The following CLMN variants were observed in gnomAD, a reference collection of about 807,000 sequenced individuals.
CLMN encodes calmin.
In CLMN, 57 loss-of-function variants were observed where a neutral mutation model predicts 92.7. The ratio of observed to expected loss-of-function variants is 0.61; its 90% CI spans 0.50 to 0.77. The LOEUF is 0.77. Ranked by LOEUF, CLMN falls within the 30% of genes least tolerant of loss-of-function variation. The pLI is 0.00. For synonymous variants in CLMN, 466 were observed against 470.6 expected (o/e 0.99, Z 0.13); for missense variants, 1,158 against 1,237.5 (o/e 0.94, Z 0.96).
chr14:95,196,422 C>T (rs1896713523), intron 10 of CLMN, 76 bp downstream of exon 10: 1 of 1,407,230 alleles, frequency 7.1e-7, no homozygotes, highest in African/African-American at 1.4e-5. Flanking sequence ...CCTCCCACCC[C>T]ATCAAATCAG....
chr14:95,232,995 G>A (rs1233062204), intron 1 of CLMN, among the ~76,000 whole-genome samples: 2 of 152,190 alleles, frequency 1.3e-5, no homozygotes, highest in African/African-American at 2.4e-5. Context: ...GAACTGCTGG[G>A]TCTTAGTGGT....
intron 1 of CLMN, among the ~76,000 whole-genome samples, chr14:95,234,674 C>T (rs898833113): frequency 4.6e-5 from 7 of 152,170 alleles, no homozygotes. Flanking sequence ...GCCTGGACTC[C>T]AGGGGCCGAG....
chr14:95,238,082 C>T (rs993503973), intron 1 of CLMN, among the ~76,000 whole-genome samples: 9 of 152,202 alleles, frequency 5.9e-5, no homozygotes, highest in South Asian at 2.1e-4. Flanking sequence ...GCCCCACTGA[C>T]GGTGTGTAGA....
intron 1 of CLMN, among the ~76,000 whole-genome samples, chr14:95,278,352 TC>T (rs1900012327): frequency 6.6e-6 from 1 of 152,214 alleles, no homozygotes. Flanking sequence ...TTTTTTCTCT[TC>T]TTGGATCTTA....
At position 95,211,668 on chromosome 14, in the gene CLMN, C is replaced by A. The variant is rs1033732440; in HGVS notation, c.609-789G>T. 9.6e-4 allele frequency among the ~76,000 whole-genome samples: 118 copies of A among 122,840 alleles called. No individual in the cohort carries two copies. The East Asian group carries it at 0.015, about 15-fold the overall frequency. The allele number at this position is 122,840 out of a possible 152,430, so 80.6% of individuals were successfully genotyped here. The stretch of plus-strand genomic sequence containing the variant: ...CGCTCTTAAAAAAAAAAAAAAAAAC[C>A]AAAAACAACCAAGTACCTTTTTATT... On this transcript the variant is annotated intron_variant, in intron 6 of 12. Transcript: ENST00000298912.
chr14:95,316,725 A>G (rs1385042052), intron 1 of CLMN, among the ~76,000 whole-genome samples: 1 of 152,212 alleles, frequency 6.6e-6, no homozygotes. Flanking sequence ...TAGCTCTATT[A>G]TTAAACTATT....
chr14:95,196,645 T>C lies in CLMN; in HGVS notation c.2561A>G (p.Asn854Ser). 6.2e-7 allele frequency: 1 copy of C among 1,614,090 alleles called. No individual in the cohort carries two copies. Among genetic ancestry groups the C allele is most frequent in the Non-Finnish European group, 8.5e-7 (1 of 1,180,014 alleles). Residue 854 changes from asparagine (N) to serine (S), a missense_variant, in exon 10 of 13, where the codon AAT becomes AGT. Coordinates refer to ENST00000298912, the MANE Select transcript of CLMN (RefSeq NM_024734.4). ...ACTACTGATTGATTCTTTCGTTACA[T>C]TTTCTTCTAGGGGGTTTGCTATGTT... Reference protein sequence around the residue: ...LENIANPLEENVTKESISSKK... With the variant: ...LENIANPLEESVTKESISSKK...
At chr14:95,277,785 A>T (rs1050289618) in intron 1 of CLMN, among the ~76,000 whole-genome samples, 10 of 152,058 alleles carry the variant, frequency 6.6e-5, no homozygotes, top group Non-Finnish European at 1.0e-4. Flanking sequence ...CCACCACCAC[A>T]CCTGGCTAAT....
Position 95,190,924 on chromosome 14 carries a change from CAG to C in CLMN, c.*638_*639del, listed in dbSNP as rs914945770. On this transcript the variant is annotated 3_prime_UTR_variant, in exon 13 of 13. Coordinates refer to ENST00000298912, the MANE Select transcript of CLMN (RefSeq NM_024734.4). ...CAAAACAAAAAAACAACAAAAAAAACAGGGTGAAAAAGAGCACACAGTGGCTC... is the reference window on the plus strand; with the variant it reads ...CAAAACAAAAAAACAACAAAAAAAACGGTGAAAAAGAGCACACAGTGGCTC... 8 of 152,260 alleles carry C rather than the reference CAG, an allele frequency of 5.3e-5. No homozygotes were observed. The highest frequency in any genetic ancestry group is 1.9e-4 in the African/African-American group (8 of 41,436). 9.4% of individuals were successfully genotyped at this position (152,260 alleles called of 1,614,324 possible).
At chr14:95,246,009 C>T (rs962933973) in intron 1 of CLMN, among the ~76,000 whole-genome samples, 10 of 152,270 alleles carry the variant, frequency 6.6e-5, no homozygotes, top group Non-Finnish European at 7.4e-5. Context: ...GATATTCCCT[C>T]GTATTAATCA....
At position 95,215,741 on chromosome 14, in the gene CLMN, G is replaced by A; in HGVS notation, c.325-8C>T. 6.2e-7 allele frequency: 1 copy of A among 1,611,612 alleles called. No individual in the cohort carries two copies. The highest frequency in any genetic ancestry group is 8.5e-7 in the Non-Finnish European group (1 of 1,177,802). ...AATGCTAACCAGTTTTACCTGGAGGGAAGCAATTTATGAACTTAAAGCGAG... is the reference window on the plus strand; with the variant it reads ...AATGCTAACCAGTTTTACCTGGAGGAAAGCAATTTATGAACTTAAAGCGAG... On this transcript the variant is annotated splice_polypyrimidine_tract_variant and splice_region_variant and intron_variant, in intron 4 of 12. Coordinates refer to ENST00000298912, the MANE Select transcript of CLMN (RefSeq NM_024734.4).
intron 1 of CLMN, among the ~76,000 whole-genome samples, chr14:95,309,036 G>A (rs146645317): frequency 2.1e-3 from 320 of 152,230 alleles, no homozygotes; most frequent in Non-Finnish European, 2.8e-3. Context: ...AAGATTGTGG[G>A]GCTAATCCCG....
chr14:95,309,965 AG>A (rs1698071878), intron 1 of CLMN, among the ~76,000 whole-genome samples: 1 of 152,248 alleles, frequency 6.6e-6, no homozygotes, highest in African/African-American at 2.4e-5. Flanking sequence ...GCTAAAACCA[AG>A]GTTACAGGCA....
At position 95,294,346 on chromosome 14, in the gene CLMN, T is replaced by C. The variant is rs1900721916; in HGVS notation, c.82+25365A>G. On this transcript the variant is annotated intron_variant, in intron 1 of 12. Transcript: ENST00000298912. The surrounding 1 kb of genome is among the most constrained non-coding windows in gnomAD (Gnocchi z 4.2). ...TCGCTGCAATGAAGCAGGAAAAAGC[T>C]GGGTTTCAGGACACAATCTCTTAGG... 1.3e-5 allele frequency among the ~76,000 whole-genome samples: 2 copies of C among 152,280 alleles called. No homozygotes were observed. Among genetic ancestry groups the C allele is most frequent in the East Asian group, 3.9e-4 (2 of 5,188 alleles).
intron 1 of CLMN, among the ~76,000 whole-genome samples, chr14:95,309,146 T>C (rs1217161487): frequency 6.6e-6 from 1 of 152,166 alleles, no homozygotes; most frequent in Non-Finnish European, 1.5e-5. Flanking sequence ...GACTTTTCTT[T>C]CATTCTTTGG....
intron 1 of CLMN, among the ~76,000 whole-genome samples, chr14:95,270,453 C>T (rs1899663901): frequency 6.6e-6 from 1 of 152,218 alleles, no homozygotes; most frequent in Non-Finnish European, 1.5e-5. Context: ...TCTCCACCTT[C>T]CCCTCAGCAG....
chr14:95,251,136 T>C lies in CLMN; in HGVS notation c.83-21003A>G, dbSNP rs146455704. Among the ~76,000 whole-genome samples the C allele has an allele frequency of 9.2e-5, 14 of 152,256 alleles. No individual in the cohort carries two copies. In the East Asian group the frequency reaches 2.3e-3, roughly 25 times the overall value. On this transcript the variant is annotated intron_variant, in intron 1 of 12. Coordinates refer to ENST00000298912, the MANE Select transcript of CLMN (RefSeq NM_024734.4). ...TTGGCGTCTGCACTCAATGATCTCATGTGTGTGTGTAATGGGGGGTGGGTG... is the reference window on the plus strand; with the variant it reads ...TTGGCGTCTGCACTCAATGATCTCACGTGTGTGTGTAATGGGGGGTGGGTG...
intron 1 of CLMN, among the ~76,000 whole-genome samples, chr14:95,272,218 G>A (rs1205014529): frequency 6.6e-6 from 1 of 152,186 alleles, no homozygotes; most frequent in East Asian, 1.9e-4. Flanking sequence ...AGCAGGCTCT[G>A]GAGAAAGGCA....
In CLMN at chr14:95,203,841, G is replaced by T. The variant is rs766903493; in HGVS notation, c.1508C>A (p.Ser503Tyr). 25 of 1,614,180 alleles carry T rather than the reference G, an allele frequency of 1.5e-5. No homozygotes were observed. The highest frequency in any genetic ancestry group is 1.8e-5 in the Non-Finnish European group (21 of 1,180,030). The change falls in exon 9 of 13, where the codon TCT (serine) becomes TAT (tyrosine). Residue 503 changes from serine to tyrosine, a missense_variant. Physicochemically the swap from Ser to Tyr is moderately radical, Grantham distance 144. Coordinates refer to ENST00000298912, the MANE Select transcript of CLMN (RefSeq NM_024734.4). Reference sequence around the variant, plus strand: ...AGCACCATTACAGGAAGAAGACTGAGAATTATTGTTTGTGCCCTCCACCAA... The same window carrying T: ...AGCACCATTACAGGAAGAAGACTGATAATTATTGTTTGTGCCCTCCACCAA... ...IFLVEGTNNN[S>Y]QSSSCNGALE...
Sources: allele counts gnomAD v4.1 joint callset (sites outside exome capture counted in the v4.1 genomes callset), GRCh38; gene constraint gnomAD v4.1.1; non-coding constraint Gnocchi (gnomAD v3.1); transcripts MANE v1.5; gene names NCBI Gene and HGNC (gene_info 2026-07-23, HGNC 2026-07-21).